Variants in PDZRN4 observed in about 807,000 individuals in gnomAD.
PDZRN4 encodes PDZ domain containing ring finger 4.
In PDZRN4, 70 loss-of-function variants were observed where a neutral mutation model predicts 99.0. The observed-to-expected ratio is 0.71, with a 90% confidence interval of 0.58 to 0.86. The LOEUF is 0.86. Ranked by LOEUF, PDZRN4 falls within the 40% of genes least tolerant of loss-of-function variation. PDZRN4 has a pLI of 0.00. For missense variants in PDZRN4, 1,474 were observed against 1,331.2 expected (o/e 1.11, Z -1.67); for synonymous variants, 551 against 501.6 (o/e 1.10, Z -1.32).
intron 3 of PDZRN4, among the ~76,000 whole-genome samples, chr12:41,272,051 A>G (rs1255228777): frequency 1.1e-5 from 1 of 92,786 alleles, no homozygotes; most frequent in African/African-American, 4.2e-5. Flanking sequence ...TTCTCTACCA[A>G]ATAGAGTATT....
At chr12:41,448,773 T>C (rs1036029042) in intron 3 of PDZRN4, among the ~76,000 whole-genome samples, 2 of 152,172 alleles carry the variant, frequency 1.3e-5, no homozygotes, top group Non-Finnish European at 2.9e-5. Flanking sequence ...AGGTTCATCA[T>C]CAAATTTAAG....
chr12:41,380,974 A>G (rs1336242017), intron 3 of PDZRN4, among the ~76,000 whole-genome samples: 2 of 152,152 alleles, frequency 1.3e-5, no homozygotes, highest in South Asian at 2.1e-4. Flanking sequence ...CTTCATGTCT[A>G]TAGAATAGCT....
At chr12:41,571,335 G>GTCTC (rs752003607) in intron 9 of PDZRN4, among the ~76,000 whole-genome samples, 1,182 of 101,202 alleles carry the variant, frequency 0.012, 8 homozygotes, top group Non-Finnish European at 0.017. Context: ...AATTACCAGA[G>GTCTC]TCTCTCTCTC....
intron 5 of PDZRN4, among the ~76,000 whole-genome samples, chr12:41,535,277 C>G (rs1938729806): frequency 6.6e-6 from 1 of 152,146 alleles, no homozygotes; most frequent in Admixed American, 6.5e-5. Context: ...TGACTGTAAG[C>G]TCATTTTAAC....
At chr12:41,366,704 A>C (rs1055473615) in intron 3 of PDZRN4, among the ~76,000 whole-genome samples, 2 of 152,138 alleles carry the variant, frequency 1.3e-5, no homozygotes, top group Non-Finnish European at 2.9e-5. Flanking sequence ...GTAAATTCTA[A>C]AATTCTACAT....
intron 3 of PDZRN4, among the ~76,000 whole-genome samples, chr12:41,343,672 A>G (rs968451665): frequency 6.6e-6 from 1 of 151,988 alleles, no homozygotes; most frequent in Non-Finnish European, 1.5e-5. Context: ...TCTACTGCAC[A>G]GTAGGGCAAC....
chr12:41,261,528 C>T (rs1407160106), intron 3 of PDZRN4, among the ~76,000 whole-genome samples: 4 of 152,172 alleles, frequency 2.6e-5, no homozygotes, highest in African/African-American at 4.8e-5. Flanking sequence ...CTCGCTCTAT[C>T]GCCCAGGCTG....
intron 3 of PDZRN4, among the ~76,000 whole-genome samples, chr12:41,197,085 G>T (rs1345649216): frequency 6.6e-6 from 1 of 151,912 alleles, no homozygotes. Context: ...AGATTCTATG[G>T]TTTATATATA....
At chr12:41,325,969 C>T (rs1017609470) in intron 3 of PDZRN4, among the ~76,000 whole-genome samples, 9 of 151,924 alleles carry the variant, frequency 5.9e-5, no homozygotes, top group African/African-American at 1.2e-4. Context: ...ACAGTGCTTT[C>T]GATGTTTCTC....
intron 3 of PDZRN4, among the ~76,000 whole-genome samples, chr12:41,392,622 C>G (rs1952217594): frequency 6.6e-6 from 1 of 152,070 alleles, no homozygotes; most frequent in African/African-American, 2.4e-5. Flanking sequence ...CCTAGTTATG[C>G]CAGAAGTTAT....
At chr12:41,280,441 G>A (rs971910138) in intron 3 of PDZRN4, among the ~76,000 whole-genome samples, 2 of 152,172 alleles carry the variant, frequency 1.3e-5, no homozygotes, top group Non-Finnish European at 2.9e-5. Flanking sequence ...CCCCCATGGA[G>A]CCCAGCAAGC....
chr12:41,441,846 G>T (rs781762213), intron 3 of PDZRN4, among the ~76,000 whole-genome samples: 1 of 152,002 alleles, frequency 6.6e-6, no homozygotes, highest in Non-Finnish European at 1.5e-5. Flanking sequence ...AATGAAAAGG[G>T]CCACTTCTGC....
intron 3 of PDZRN4, among the ~76,000 whole-genome samples, chr12:41,330,066 TTTG>T (rs1448304947): frequency 6.6e-6 from 1 of 152,156 alleles, no homozygotes; most frequent in Admixed American, 6.6e-5. Flanking sequence ...TTAAAAATCC[TTTG>T]TTATTTGATT....
chr12:41,519,660 G>A lies in PDZRN4; in HGVS notation c.1203+9747G>A, dbSNP rs538291620. Among the ~76,000 whole-genome samples the A allele has an allele frequency of 1.9e-4, 29 of 152,110 alleles. 1 individual carries two copies. Among genetic ancestry groups the A allele is most frequent in the African/African-American group, 6.7e-4 (28 of 41,514 alleles). ...TGCCTTTTCATAGAGGAAAAATGAG[G>A]AACGTGAGGGGTCTTAGCCCACCAA... On this transcript the variant is annotated intron_variant, in intron 5 of 9. Transcript: ENST00000402685.
chr12:41,429,187 T>C (rs1473428067), intron 3 of PDZRN4, among the ~76,000 whole-genome samples: 1 of 152,204 alleles, frequency 6.6e-6, no homozygotes, highest in Non-Finnish European at 1.5e-5. Context: ...ACCTTTACTT[T>C]TCTTAAAACC....
Position 41,573,547 on chromosome 12 carries a change from G to A in PDZRN4, c.2768G>A (p.Ser923Asn). The change falls in exon 10 of 10, where the codon AGT (serine) becomes AAT (asparagine). Residue 923 changes from serine (S) to asparagine (N), a missense_variant. Transcript: ENST00000402685. ...GCCTTAAAGATCAAGGAAGAGCGGAGTGGCATGACCACAGACGATGACACC... is the reference window on the plus strand; with the variant it reads ...GCCTTAAAGATCAAGGAAGAGCGGAATGGCATGACCACAGACGATGACACC... ...ERALKIKEERSGMTTDDDTMS... is the reference protein window; with the variant it reads ...ERALKIKEERNGMTTDDDTMS... 1 of 1,614,010 alleles carries A rather than the reference G, an allele frequency of 6.2e-7. No individual in the cohort carries two copies. The highest frequency in any genetic ancestry group is 2.2e-5 in the East Asian group (1 of 44,840).
intron 3 of PDZRN4, among the ~76,000 whole-genome samples, chr12:41,211,272 T>C (rs973888539): frequency 6.6e-6 from 1 of 152,024 alleles, no homozygotes; most frequent in African/African-American, 2.4e-5. Context: ...TCTAGATTGG[T>C]ATTTTAATTT....
chr12:41,462,567 A>G (rs1275230855), intron 3 of PDZRN4, among the ~76,000 whole-genome samples: 1 of 152,192 alleles, frequency 6.6e-6, no homozygotes, highest in Non-Finnish European at 1.5e-5. Context: ...ATATACAGAC[A>G]TATCTTTAGG....
intron 3 of PDZRN4, among the ~76,000 whole-genome samples, chr12:41,202,761 G>C (rs1950825845): frequency 6.6e-6 from 1 of 152,020 alleles, no homozygotes. Context: ...TGTAAAAGTA[G>C]AGCAATAAAT....
Sources: gnomAD v4.1 joint callset for allele counts (sites outside exome capture counted in the v4.1 genomes callset) on GRCh38, gnomAD v4.1.1 for gene constraint, MANE v1.5 for transcripts, NCBI Gene and HGNC (gene_info 2026-07-23, HGNC 2026-07-21) for gene names.